SND1: variants seen among roughly 807,000 people sequenced by gnomAD.
SND1 encodes the protein staphylococcal nuclease domain-containing protein 1.
SND1 carries 38 observed loss-of-function variants against 121.7 expected under a neutral mutation model. That is an observed-to-expected ratio of 0.31 (90% CI 0.24 to 0.41). The LOEUF (loss-of-function observed/expected upper bound fraction) is 0.41, where lower values mean the gene tolerates loss of function less well. Ranked by LOEUF, SND1 falls within the 10% of genes least tolerant of loss-of-function variation. The probability of loss-of-function intolerance (pLI) is 1.00; values close to 1 mark genes in which losing one functional copy is unlikely to be tolerated. For synonymous variants in SND1, 401 were observed against 447.4 expected, an observed-to-expected ratio of 0.90 and a Z score of 1.31; for missense variants, 868 against 1,184.6, an observed-to-expected ratio of 0.73 and a Z score of 3.92.
chr7:127,749,042 C>CTTT (rs1491284090), intron 10 of SND1, among the ~76,000 whole-genome samples: 3 of 114,600 alleles, frequency 2.6e-5, no homozygotes, highest in Non-Finnish European at 3.6e-5. Flanking sequence ...TTTTTTCTTT[C>CTTT]GTTTTTTTTT....
chr7:127,720,304 G>A (rs1247736628), intron 9 of SND1, among the ~76,000 whole-genome samples: 1 of 152,190 alleles, frequency 6.6e-6, no homozygotes, highest in Admixed American at 6.5e-5. Context: ...AAAGAGGCCC[G>A]ATTGAAGCCT....
intron 9 of SND1, among the ~76,000 whole-genome samples, chr7:127,720,683 G>C (rs879670463): frequency 5.9e-5 from 9 of 152,198 alleles, no homozygotes; most frequent in Admixed American, 1.3e-4. Flanking sequence ...CGTAGTAGTA[G>C]TGCTCTGAAA....
intron 11 of SND1, among the ~76,000 whole-genome samples, chr7:127,814,693 C>T (rs1050603144): frequency 4.6e-5 from 7 of 152,002 alleles, no homozygotes; most frequent in African/African-American, 1.7e-4. Flanking sequence ...TTGGAAAGCA[C>T]CAACATTCCA....
chr7:127,800,194 C>T (rs1415315634), intron 10 of SND1, among the ~76,000 whole-genome samples: 1 of 152,176 alleles, frequency 6.6e-6, no homozygotes, highest in African/African-American at 2.4e-5. Context: ...GCATGTGTGG[C>T]AGGGCAACTG....
chr7:128,051,486 A>G (rs1399626011), intron 16 of SND1, among the ~76,000 whole-genome samples: 1 of 152,176 alleles, frequency 6.6e-6, no homozygotes, highest in East Asian at 1.9e-4. Context: ...TTTACCACCA[A>G]CTGTAGCTAA....
rs553870031 is a variant in SND1, at chr7:127,916,645, C to T, written c.1527+11826C>T. Among the ~76,000 whole-genome samples the T allele has an allele frequency of 2.6e-5, 4 of 152,208 alleles. No homozygotes were observed. The East Asian group carries it at 5.8e-4, about 22-fold the overall frequency. ...TTTAAAACGTTGCCGCCCAAGCTGT[C>T]GGAGATAAATCAGGTGAGTATAATG... On this transcript the variant is annotated intron_variant, in intron 14 of 23. Transcript: ENST00000354725.
At chr7:127,678,388 G>A (rs139617971) in intron 1 of SND1, among the ~76,000 whole-genome samples, 33 of 152,244 alleles carry the variant, frequency 2.2e-4, no homozygotes, top group East Asian at 1.7e-3. Context: ...ACTGCGGCCC[G>A]ATTTTTGGCA....
chr7:127,753,965 A>G (rs965739542), intron 10 of SND1, among the ~76,000 whole-genome samples: 2 of 152,226 alleles, frequency 1.3e-5, no homozygotes, highest in Non-Finnish European at 1.5e-5. Context: ...AGCTTTCACT[A>G]AAGTCCCCTT....
chr7:127,963,292 T>C (rs1801776282), intron 15 of SND1, among the ~76,000 whole-genome samples: 1 of 150,164 alleles, frequency 6.7e-6, no homozygotes, highest in Non-Finnish European at 1.5e-5. Flanking sequence ...TTAGGGTACA[T>C]GTGCACATTG....
intron 14 of SND1, among the ~76,000 whole-genome samples, chr7:127,909,717 C>T (rs1209126462): frequency 6.6e-6 from 1 of 152,172 alleles, no homozygotes; most frequent in Non-Finnish European, 1.5e-5. Flanking sequence ...TAGGCATGAG[C>T]CACCACCCTA....
chr7:127,910,517 A>C (rs1800432555), intron 14 of SND1, among the ~76,000 whole-genome samples: 1 of 152,018 alleles, frequency 6.6e-6, no homozygotes, highest in Non-Finnish European at 1.5e-5. Context: ...AAAGGAGCAA[A>C]ATCACCCAGG....
rs1563094501 is a variant in SND1, at chr7:128,029,866, G to A, written c.1779+38810G>A. 3.7e-6 allele frequency: 6 copies of A among 1,613,384 alleles called. No homozygotes were observed. Among genetic ancestry groups the A allele is most frequent in the Non-Finnish European group, 2.5e-6 (3 of 1,180,018 alleles). ...GAAGCCAGCCCGTCAAAAGCATTCCGCTCAATCAGGCTGACCTGTGAGTTC... is the reference window on the plus strand; with the variant it reads ...GAAGCCAGCCCGTCAAAAGCATTCCACTCAATCAGGCTGACCTGTGAGTTC... On this transcript the variant is annotated intron_variant, in intron 16 of 23. Coordinates refer to ENST00000354725, the MANE Select transcript of SND1 (RefSeq NM_014390.4). This position sits in a 1 kb window ranked among gnomAD's most constrained non-coding sequence, Gnocchi z 4.2.
At chr7:127,967,269 A>G (rs1801874819) in intron 15 of SND1, among the ~76,000 whole-genome samples, 1 of 152,192 alleles carries the variant, frequency 6.6e-6, no homozygotes, top group Non-Finnish European at 1.5e-5. Context: ...CAGTAGGATC[A>G]GTATTTATTG....
intron 10 of SND1, among the ~76,000 whole-genome samples, chr7:127,791,947 C>T (rs1448296922): frequency 2.6e-5 from 4 of 152,200 alleles, no homozygotes; most frequent in East Asian, 1.9e-4. Flanking sequence ...ATGCAGCCTT[C>T]CTGTGATTGG....
chr7:127,906,291 T>C (rs928949795), intron 14 of SND1, among the ~76,000 whole-genome samples: 3 of 152,180 alleles, frequency 2.0e-5, no homozygotes, highest in African/African-American at 7.2e-5. Context: ...AACTATGGTG[T>C]ATCTGCTAAT....
chr7:127,855,145 G>A (rs12706816), intron 12 of SND1, among the ~76,000 whole-genome samples: 33,832 of 151,714 alleles, frequency 0.22, 4,248 homozygotes, highest in Middle Eastern at 0.32. Context: ...TTGAGACAGG[G>A]TCTCACTCTG....
Position 128,092,307 on chromosome 7 carries a change from T to G in SND1, c.*249T>G. 1 of 483,268 alleles carries G rather than the reference T, an allele frequency of 2.1e-6. No individual in the cohort carries two copies. The highest frequency in any genetic ancestry group is 3.7e-6 in the Non-Finnish European group (1 of 272,890). The allele number at this position is 483,268 out of a possible 1,614,324, so 29.9% of individuals were successfully genotyped here. A position where few individuals can be genotyped will look rare whatever the true frequency, so the allele number is the denominator to read the frequency against. On this transcript the variant is annotated 3_prime_UTR_variant, in exon 24 of 24. Transcript: ENST00000354725. The surrounding 1 kb of genome is among the most constrained non-coding windows in gnomAD (Gnocchi z 4.9). ...ACAGTCTCTGCCAGTTGGTTTTATT[T>G]GGAGGTTTGTGGGCTTTTTTTAAAA...
chr7:128,074,600 G>A lies in SND1; in HGVS notation c.1878G>A (p.Ala626=), dbSNP rs762377202. The A allele has an allele frequency of 3.0e-5, 49 of 1,613,684 alleles. No homozygotes were observed. Among genetic ancestry groups the A allele is most frequent in the Admixed American group, 8.3e-5 (5 of 59,982 alleles). ...TGTCCGTCCTGCTGGTGGAGCACGC[G>A]CTCTCCAAGGTCCACTTCACCGCCG... ...ANLSVLLVEH[A]LSKVHFTAER... Residue 626 remains alanine, a synonymous_variant, in exon 17 of 24, where the codon GCG becomes GCA. Transcript: ENST00000354725.
chr7:128,073,524 C>A (rs1037029685), intron 16 of SND1, among the ~76,000 whole-genome samples: 2 of 152,210 alleles, frequency 1.3e-5, no homozygotes, highest in Non-Finnish European at 2.9e-5. Flanking sequence ...CAGTATCCCT[C>A]ATCCCTTCTA....
Sources: gnomAD v4.1 joint callset for allele counts (sites outside exome capture counted in the v4.1 genomes callset) on GRCh38, gnomAD v4.1.1 for gene constraint, Gnocchi (gnomAD v3.1) non-coding constraint, MANE v1.5 for transcripts, NCBI Gene and HGNC (gene_info 2026-07-23, HGNC 2026-07-21) for gene names.